LARS2: variants seen among roughly 807,000 people sequenced by gnomAD.
The protein encoded by LARS2 is leucyl-tRNA synthetase 2, mitochondrial, also known as leucine--tRNA ligase, mitochondrial.
Under a neutral mutation model 116.6 loss-of-function variants are expected in LARS2, and 81 were observed. The observed-to-expected ratio is 0.69, with a 90% CI of 0.58 to 0.84. The LOEUF is 0.84. Among genes scored for constraint, LARS2 ranks in the 40% least tolerant of loss-of-function variants. The pLI, the probability that LARS2 is intolerant of heterozygous loss-of-function variation, is 0.00. For synonymous variants in LARS2, 396 were observed against 407.2 expected (o/e 0.97, Z 0.33); for missense variants, 968 against 1,114.5 (o/e 0.87, Z 1.87).
intron 16 of LARS2, 35 bp from the exon 17 acceptor site, chr3:45,516,057 GAC>G (rs1200032012): frequency 6.4e-7 from 1 of 1,559,592 alleles, no homozygotes; most frequent in Non-Finnish European, 8.8e-7. Context: ...AATTCACAAT[GAC>G]ACATACCATA....
chr3:45,398,885 C>A (rs964772847), intron 3 of LARS2, among the ~76,000 whole-genome samples: 6 of 152,156 alleles, frequency 3.9e-5, no homozygotes, highest in African/African-American at 1.2e-4. Flanking sequence ...GTAGGTCCCC[C>A]CAGTAGGAGT....
At chr3:45,532,306 T>C (rs962820868) in intron 20 of LARS2, among the ~76,000 whole-genome samples, 1 of 152,136 alleles carries the variant, frequency 6.6e-6, no homozygotes, top group African/African-American at 2.4e-5. Context: ...GGAATGGGAG[T>C]TATATTTTAC....
At chr3:45,421,664 C>T (rs1333789827) in intron 6 of LARS2, 1 of 152,184 alleles carries the variant, frequency 6.6e-6, no homozygotes, top group Non-Finnish European at 1.5e-5. Context: ...CGTGCTCCTC[C>T]CCCAAACTTA....
chr3:45,415,843 ATC>A (rs1251598773), intron 4 of LARS2, among the ~76,000 whole-genome samples: 4 of 125,746 alleles, frequency 3.2e-5, no homozygotes, highest in African/African-American at 1.0e-4. Flanking sequence ...GCAAGACTCC[ATC>A]TCAAAAAAAA....
intron 8 of LARS2, among the ~76,000 whole-genome samples, chr3:45,464,334 C>T (rs543284367): frequency 6.6e-6 from 1 of 152,226 alleles, no homozygotes; most frequent in South Asian, 2.1e-4. Flanking sequence ...CTCCAAGAGT[C>T]ATCTGGACTC....
intron 6 of LARS2, among the ~76,000 whole-genome samples, chr3:45,441,017 C>A (rs1698897930): frequency 7.5e-6 from 1 of 133,058 alleles, no homozygotes; most frequent in Non-Finnish European, 1.6e-5. Context: ...CCTGCCATCA[C>A]ACACTCTTTT....
At chr3:45,446,745 T>C (rs1699025779) in intron 6 of LARS2, 146 bp from the exon 7 acceptor site, 1 of 559,464 alleles carries the variant, frequency 1.8e-6, no homozygotes, top group African/African-American at 1.9e-5. Context: ...TGACTCTCCT[T>C]ACTTTACAAA....
chr3:45,405,922 A>G (rs1048502480), intron 4 of LARS2, among the ~76,000 whole-genome samples: 8 of 152,098 alleles, frequency 5.3e-5, no homozygotes, highest in African/African-American at 1.7e-4. Context: ...ACTTGGACTC[A>G]AGTCACTTCC....
chr3:45,486,089 A>G (rs1435606729), intron 11 of LARS2, among the ~76,000 whole-genome samples: 4 of 152,212 alleles, frequency 2.6e-5, no homozygotes, highest in African/African-American at 2.4e-5. Context: ...ACGAGGAACA[A>G]TGCAACTCAG....
In LARS2 at chr3:45,411,162, T is replaced by C. The variant is rs569024211; in HGVS notation, c.364-6320T>C. Reference sequence around the variant, plus strand: ...CAGATAGTATGCCTGTCAGTCCAGCTGAGCATCTGCGCCACTTACAGACTC... The same window carrying C: ...CAGATAGTATGCCTGTCAGTCCAGCCGAGCATCTGCGCCACTTACAGACTC... On this transcript the variant is annotated intron_variant, in intron 4 of 21. Transcript: ENST00000645846. Among the ~76,000 whole-genome samples the C allele has an allele frequency of 2.5e-4, 38 of 152,356 alleles. 1 individual carries two copies. The South Asian group carries it at 7.9e-3, about 32-fold the overall frequency.
intron 6 of LARS2, among the ~76,000 whole-genome samples, chr3:45,420,922 A>C (rs1395322488): frequency 6.6e-6 from 1 of 152,226 alleles, no homozygotes; most frequent in East Asian, 1.9e-4. Context: ...TAATGTGGCT[A>C]ATTTAATATT....
intron 4 of LARS2, among the ~76,000 whole-genome samples, chr3:45,407,947 A>G (rs1179383362): frequency 6.6e-6 from 1 of 152,224 alleles, no homozygotes; most frequent in Non-Finnish European, 1.5e-5. Context: ...TCTTTAAAAT[A>G]ATTCCTTCTT....
At chr3:45,429,193 C>T (rs1203757980) in intron 6 of LARS2, among the ~76,000 whole-genome samples, 1 of 152,178 alleles carries the variant, frequency 6.6e-6, no homozygotes, top group African/African-American at 2.4e-5. Flanking sequence ...TATTATCTGA[C>T]AGTTTCTGTA....
intron 2 of LARS2, among the ~76,000 whole-genome samples, chr3:45,393,266 TAA>T (rs58793850): frequency 0.41 from 34,696 of 85,264 alleles, 4,570 homozygotes; most frequent in Non-Finnish European, 0.46. Flanking sequence ...TGCTAGTATG[TAA>T]TAAGTGCTAC....
intron 8 of LARS2, among the ~76,000 whole-genome samples, chr3:45,470,481 T>C (rs1451098265): frequency 6.6e-6 from 1 of 152,204 alleles, no homozygotes; most frequent in African/African-American, 2.4e-5. Context: ...TCTTCAAACA[T>C]CTTCGTTCAG....
At chr3:45,430,013 T>TTTTTTC in intron 6 of LARS2, among the ~76,000 whole-genome samples, 1 of 125,476 alleles carries the variant, frequency 8.0e-6, no homozygotes, top group Non-Finnish European at 1.7e-5. Context: ...CTTTTTTTTT[T>TTTTTTC]TTTTTTTTTT....
chr3:45,544,427 A>G (rs1395956078), intron 21 of LARS2, among the ~76,000 whole-genome samples: 1 of 152,214 alleles, frequency 6.6e-6, no homozygotes, highest in Admixed American at 6.5e-5. Flanking sequence ...CTATTGAGAG[A>G]ATTAGGTAGG....
At chr3:45,510,648 G>C (rs369171060) in intron 15 of LARS2, among the ~76,000 whole-genome samples, 1 of 152,236 alleles carries the variant, frequency 6.6e-6, no homozygotes, top group Admixed American at 6.5e-5. Context: ...GGGAAATGGC[G>C]TGAGTAAAGA....
chr3:45,510,670 A>G (rs1479045066), intron 15 of LARS2, among the ~76,000 whole-genome samples: 1 of 152,260 alleles, frequency 6.6e-6, no homozygotes, highest in African/African-American at 2.4e-5. Flanking sequence ...GTGGAAGCAC[A>G]TGCAGGCAAC....
Sources: gnomAD v4.1 joint callset for allele counts (sites outside exome capture counted in the v4.1 genomes callset) on GRCh38, gnomAD v4.1.1 for gene constraint, MANE v1.5 for transcripts, NCBI Gene and HGNC (gene_info 2026-07-23, HGNC 2026-07-21) for gene names.